PPL: variants seen among roughly 807,000 people sequenced by gnomAD.
PPL encodes the protein 190 kDa paraneoplastic pemphigus antigen.
Under a neutral mutation model 194.4 loss-of-function variants are expected in PPL, and 198 were observed. The ratio of observed to expected loss-of-function variants is 1.02; its 90% CI spans 0.91 to 1.15. PPL has a LOEUF of 1.15. Ranked by LOEUF, PPL falls within the 50% of genes most tolerant of loss-of-function variation. PPL has a pLI of 0.00. For missense variants in PPL, 2,885 were observed against 2,294.8 expected (o/e 1.26, Z -5.25); for synonymous variants, 1,220 against 972.4 (o/e 1.25, Z -4.74).
intron 1 of PPL, among the ~76,000 whole-genome samples, chr16:4,912,705 T>G (rs2088841534): frequency 6.6e-6 from 1 of 152,252 alleles, no homozygotes; most frequent in Non-Finnish European, 1.5e-5. Context: ...GCAGTGGCAC[T>G]GGGTTCCGTG....
chr16:4,912,858 C>T (rs966871924), intron 1 of PPL, among the ~76,000 whole-genome samples: 2 of 152,188 alleles, frequency 1.3e-5, no homozygotes, highest in South Asian at 2.1e-4. Context: ...AATCCCAGCA[C>T]TTTGGGAGGC....
At chr16:4,905,306 A>C (rs1291893801) in intron 2 of PPL, among the ~76,000 whole-genome samples, 2 of 152,234 alleles carry the variant, frequency 1.3e-5, no homozygotes, top group African/African-American at 4.8e-5. Context: ...ACAAGCCTGG[A>C]AGACGTTATT....
At chr16:4,922,657 A>T (rs545604429) in intron 1 of PPL, among the ~76,000 whole-genome samples, 1 of 152,100 alleles carries the variant, frequency 6.6e-6, no homozygotes, top group African/African-American at 2.4e-5. Flanking sequence ...GCAAGACTCC[A>T]TCTCAAAACA....
In PPL at chr16:4,884,341, A is replaced by C; in HGVS notation, c.4314T>G (p.Arg1438=). ...CCTTCTGCGTATGGGTTACCTTCTC[A>C]CGGGCCTCAGCTTCTTCCTGCTCCA... ...AALEQEEAEA[R]EKVTHTQKVV... Residue 1438 remains arginine, a synonymous_variant, in exon 22 of 22, where the codon CGT becomes CGG. Transcript: ENST00000345988. The surrounding 1 kb of genome is among the most constrained non-coding windows in gnomAD (Gnocchi z 5.7). 1 of 1,612,204 alleles carries C rather than the reference A, an allele frequency of 6.2e-7. No individual in the cohort carries two copies. Among genetic ancestry groups the C allele is most frequent in the Non-Finnish European group, 8.5e-7 (1 of 1,179,592 alleles).
intron 14 of PPL, 64 bp from the exon 15 acceptor site, chr16:4,892,277 C>A: frequency 6.5e-7 from 1 of 1,530,714 alleles, no homozygotes; most frequent in Admixed American, 1.8e-5. Flanking sequence ...TGAGGATGTG[C>A]CCAGGGTGAG....
At chr16:4,898,733 T>A (rs986151933) in intron 8 of PPL, among the ~76,000 whole-genome samples, 2 of 152,218 alleles carry the variant, frequency 1.3e-5, no homozygotes, top group Non-Finnish European at 2.9e-5. Flanking sequence ...TTCTGTTGTT[T>A]AAAGCCACTA....
At position 4,903,991 on chromosome 16, in the gene PPL, G is replaced by T. The variant is rs372113784; in HGVS notation, c.212C>A (p.Thr71Asn). The T allele has an allele frequency of 6.2e-7, 1 of 1,613,570 alleles. No homozygotes were observed. The highest frequency in any genetic ancestry group is 8.5e-7 in the Non-Finnish European group (1 of 1,180,026). The change falls in exon 3 of 22, where the codon ACC becomes AAC. Residue 71 changes from threonine to asparagine, a missense_variant. Physicochemically the swap from Thr to Asn is moderately conservative, Grantham distance 65. Transcript: ENST00000345988. ...EGRQPEHRDV[T>N]LQKVLDSEKL... The stretch of plus-strand genomic sequence containing the variant: ...CTCAGAGTCCAACACCTTCTGCAGG[G>T]TCACGTCCCGGTGCTCAGGCTGCCG...
At chr16:4,888,661 C>G (rs2088257535) in intron 19 of PPL, 1 of 389,888 alleles carries the variant, frequency 2.6e-6, no homozygotes, top group South Asian at 5.2e-5. Flanking sequence ...TTCCAGCGTA[C>G]TAGTTTTGCT....
At chr16:4,897,332 CAAAAA>C (rs57191109) in intron 9 of PPL, among the ~76,000 whole-genome samples, 1 of 53,426 alleles carries the variant, frequency 1.9e-5, no homozygotes, top group Non-Finnish European at 3.6e-5. Flanking sequence ...AAGACTCTCT[CAAAAA>C]AAAAAAAAAA....
chr16:4,934,816 G>C (rs996874373), intron 1 of PPL, among the ~76,000 whole-genome samples: 2 of 152,156 alleles, frequency 1.3e-5, no homozygotes, highest in African/African-American at 4.8e-5. Context: ...CGTTTGAGAG[G>C]ATGGGGTACA....
chr16:4,904,168 G>T (rs1342109381), intron 2 of PPL, 128 bp from the exon 3 acceptor site: 10 of 1,031,042 alleles, frequency 9.7e-6, no homozygotes, highest in Non-Finnish European at 1.4e-5. Context: ...CGTCTTCCAG[G>T]CTTGTCCATA....
At position 4,902,591 on chromosome 16, in the gene PPL, C is replaced by G; in HGVS notation, c.318-65G>C. ...CACTGCCTGCACCCCAGGAGGGGCC[C>G]CCCACCCAGACCCCGGCCTCAGTGT... On this transcript the variant is annotated intron_variant, in intron 3 of 21. Coordinates refer to ENST00000345988, the MANE Select transcript of PPL (RefSeq NM_002705.5). The surrounding 1 kb of genome is among the most constrained non-coding windows in gnomAD (Gnocchi z 4.0). The G allele has an allele frequency of 1.3e-6, 2 of 1,569,572 alleles. No individual in the cohort carries two copies. The highest frequency in any genetic ancestry group is 2.4e-5 in the South Asian group (2 of 83,490).
Position 4,891,964 on chromosome 16 carries a change from C to T in PPL, c.1830-15G>A, listed in dbSNP as rs372340448. ...CCACATCAACCCTGAGAGCACCAATCAGGCGTCGGGGGATGCCCACCTGGC... is the reference window on the plus strand; with the variant it reads ...CCACATCAACCCTGAGAGCACCAATTAGGCGTCGGGGGATGCCCACCTGGC... On this transcript the variant is annotated splice_polypyrimidine_tract_variant and intron_variant, in intron 15 of 21. Transcript: ENST00000345988. 1 of 1,611,536 alleles carries T rather than the reference C, an allele frequency of 6.2e-7. No individual in the cohort carries two copies. Among genetic ancestry groups the T allele is most frequent in the Admixed American group, 1.7e-5 (1 of 59,900 alleles).
chr16:4,923,917 C>T (rs986495681), intron 1 of PPL, among the ~76,000 whole-genome samples: 4 of 152,186 alleles, frequency 2.6e-5, no homozygotes, highest in African/African-American at 7.2e-5. Context: ...CTGCCATGTC[C>T]GTAGCGCCCA....
In PPL at chr16:4,893,330, C is replaced by A; in HGVS notation, c.1533G>T (p.Leu511Phe). Reference sequence around the variant, plus strand: ...GGTCCAGGTCGCTGGCCACCTTGTCCAAGCCAGCCAGCAGCTGCCGCCCCT... The same window carrying A: ...GGTCCAGGTCGCTGGCCACCTTGTCAAAGCCAGCCAGCAGCTGCCGCCCCT... ...DLQGRQLLAG[L>F]DKVASDLDRQ... The change falls in exon 14 of 22, where the codon TTG (leucine) becomes TTT (phenylalanine). Residue 511 changes from leucine to phenylalanine, a missense_variant. Coordinates refer to ENST00000345988, the MANE Select transcript of PPL (RefSeq NM_002705.5). 6.2e-7 allele frequency: 1 copy of A among 1,608,384 alleles called. No individual in the cohort carries two copies. Among genetic ancestry groups the A allele is most frequent in the Non-Finnish European group, 8.5e-7 (1 of 1,179,718 alleles).
chr16:4,925,941 T>G (rs1433981947), intron 1 of PPL, among the ~76,000 whole-genome samples: 1 of 152,216 alleles, frequency 6.6e-6, no homozygotes, highest in African/African-American at 2.4e-5. Flanking sequence ...TCAGTACAAT[T>G]AATCCCAGTG....
chr16:4,937,089 G>A lies in PPL; in HGVS notation c.-44C>T, dbSNP rs1158608302. 8.9e-6 allele frequency: 11 copies of A among 1,232,634 alleles called. No homozygotes were observed. The highest frequency in any genetic ancestry group is 2.2e-4 in the Middle Eastern group (1 of 4,534). The allele number at this position is 1,232,634 out of a possible 1,614,324, so 76.4% of individuals were successfully genotyped here. Reference sequence around the variant, plus strand: ...GGCGGCGGCGGCTGGCGGGCCGGGCGCGCACCGAGGGGCGGGCGGGAGCGC... The same window carrying A: ...GGCGGCGGCGGCTGGCGGGCCGGGCACGCACCGAGGGGCGGGCGGGAGCGC... On this transcript the variant is annotated 5_prime_UTR_variant, in exon 1 of 22. Coordinates refer to ENST00000345988, the MANE Select transcript of PPL (RefSeq NM_002705.5).
Position 4,902,349 on chromosome 16 carries a change from C to G in PPL, c.438+57G>C. 6.2e-7 allele frequency: 1 copy of G among 1,603,320 alleles called. No individual in the cohort carries two copies. Among genetic ancestry groups the G allele is most frequent in the Admixed American group, 1.7e-5 (1 of 58,950 alleles). On this transcript the variant is annotated intron_variant, in intron 4 of 21. Coordinates refer to ENST00000345988, the MANE Select transcript of PPL (RefSeq NM_002705.5). The surrounding 1 kb of genome is among the most constrained non-coding windows in gnomAD (Gnocchi z 4.0). ...TACATGGGTAGGCTCTCCCTGCACA[C>G]GCACAGCCCCCTCCCCAGCTGAAAC...
intron 1 of PPL, among the ~76,000 whole-genome samples, chr16:4,935,193 A>G (rs2089280752): frequency 6.6e-6 from 1 of 152,120 alleles, no homozygotes; most frequent in Non-Finnish European, 1.5e-5. Context: ...GATGCCTTTC[A>G]TCCTCATGCT....
Sources: allele counts gnomAD v4.1 joint callset (sites outside exome capture counted in the v4.1 genomes callset), GRCh38; gene constraint gnomAD v4.1.1; non-coding constraint Gnocchi (gnomAD v3.1); transcripts MANE v1.5; gene names NCBI Gene and HGNC (gene_info 2026-07-23, HGNC 2026-07-21).